The following ESRRG variants were observed in gnomAD, a reference collection of about 807,000 sequenced individuals.
ESRRG encodes the protein estrogen-related receptor gamma.
A neutral mutation model predicts 44.0 loss-of-function variants in ESRRG; 13 were observed. The observed-to-expected ratio is 0.30, with a 90% confidence interval of 0.19 to 0.47. The LOEUF (loss-of-function observed/expected upper bound fraction) is 0.47. ESRRG is among the 20% of genes least tolerant of loss of function. The pLI is 1.00. For missense variants in ESRRG, 395 were observed against 580.6 expected, an observed-to-expected ratio of 0.68 and a Z score of 3.29; for synonymous variants, 215 against 214.6, an observed-to-expected ratio of 1.00 and a Z score of -0.02.
chr1:217,037,583 G>T (rs1451711371), intron 1 of ESRRG, among the ~76,000 whole-genome samples: 1 of 151,962 alleles, frequency 6.6e-6, no homozygotes, highest in Non-Finnish European at 1.5e-5. Context: ...ATTTGGGTGG[G>T]GACACAGCCA....
At chr1:216,525,412 A>G (rs959763451) in intron 5 of ESRRG, among the ~76,000 whole-genome samples, 3 of 151,818 alleles carry the variant, frequency 2.0e-5, no homozygotes, top group Admixed American at 2.0e-4. Flanking sequence ...CTTTTCCCAA[A>G]CTCCCTCTTA....
intron 3 of ESRRG, among the ~76,000 whole-genome samples, chr1:216,615,628 C>A (rs2061320163): frequency 6.6e-6 from 1 of 152,112 alleles, no homozygotes; most frequent in African/African-American, 2.4e-5. Context: ...CCATCATAGA[C>A]CTTTTTATCC....
intron 2 of ESRRG, among the ~76,000 whole-genome samples, chr1:216,768,090 G>A (rs2093175521): frequency 6.6e-6 from 1 of 152,076 alleles, no homozygotes; most frequent in Admixed American, 6.6e-5. Context: ...TGAAAGGAAG[G>A]GGTTATAATC....
Position 216,873,632 on chromosome 1 carries a change from T to C in ESRRG, c.-14+65950A>G, listed in dbSNP as rs114608023. Among the ~76,000 whole-genome samples, 197 of 151,974 alleles carry C rather than the reference T, an allele frequency of 1.3e-3. 1 individual carries two copies. The highest frequency in any genetic ancestry group is 2.3e-3 in the Non-Finnish European group (153 of 67,974). The stretch of plus-strand genomic sequence containing the variant: ...TCCTCCAACTAGAAATCTGGGGCTT[T>C]AGTTATCCTACTCAGCCACATATGC... On this transcript the variant is annotated intron_variant, in intron 2 of 7. Transcript: ENST00000359162.
chr1:217,044,564 A>C (rs747414020), intron 1 of ESRRG, among the ~76,000 whole-genome samples: 6 of 152,174 alleles, frequency 3.9e-5, no homozygotes, highest in Non-Finnish European at 7.3e-5. Context: ...GCTGACCTCC[A>C]TCTCAGCTTA....
At chr1:216,840,899 C>A (rs908448075) in intron 2 of ESRRG, among the ~76,000 whole-genome samples, 2 of 152,042 alleles carry the variant, frequency 1.3e-5, no homozygotes, top group African/African-American at 4.8e-5. Context: ...CATAGATCAC[C>A]ATACAAGATA....
chr1:216,683,998 A>G (rs968956890), intron 1 of ESRRG, among the ~76,000 whole-genome samples: 2 of 152,186 alleles, frequency 1.3e-5, no homozygotes, highest in African/African-American at 4.8e-5. Flanking sequence ...GGGATTTTGA[A>G]ATGGAGACAA....
At chr1:216,541,609 T>C (rs2052789300) in intron 5 of ESRRG, among the ~76,000 whole-genome samples, 1 of 126,594 alleles carries the variant, frequency 7.9e-6, no homozygotes, top group East Asian at 2.0e-4. Context: ...TGTGTGTGTA[T>C]GTGATCAGCT....
chr1:216,997,966 C>T (rs140977958), intron 1 of ESRRG, among the ~76,000 whole-genome samples: 2 of 152,282 alleles, frequency 1.3e-5, no homozygotes, highest in African/African-American at 2.4e-5. Flanking sequence ...TTCACCCATG[C>T]TCAGGAATTT....
chr1:216,548,258 T>G (rs1164639137), intron 5 of ESRRG, among the ~76,000 whole-genome samples: 1 of 152,056 alleles, frequency 6.6e-6, no homozygotes, highest in Non-Finnish European at 1.5e-5. Context: ...CGGGTACACA[T>G]GTGACATTTT....
At chr1:216,637,095 A>T (rs1270244527) in intron 3 of ESRRG, among the ~76,000 whole-genome samples, 2 of 152,160 alleles carry the variant, frequency 1.3e-5, no homozygotes, top group African/African-American at 4.8e-5. Flanking sequence ...CATGAAAGTG[A>T]TGCTACAAAC....
intron 1 of ESRRG, among the ~76,000 whole-genome samples, chr1:217,060,818 A>ATATAGATAGATAGAT (rs2088247040): frequency 6.7e-6 from 1 of 150,016 alleles, no homozygotes; most frequent in Non-Finnish European, 1.5e-5. Context: ...ATAGATAGAT[A>ATATAGATAGATAGAT]GATAGATAGA....
At chr1:217,038,284 T>G (rs2083269294) in intron 1 of ESRRG, among the ~76,000 whole-genome samples, 2 of 152,242 alleles carry the variant, frequency 1.3e-5, no homozygotes, top group Non-Finnish European at 2.9e-5. Flanking sequence ...GGCATCCAGG[T>G]GTTTCCATAC....
At chr1:216,768,480 A>ATCTATCTATCTATCTATCTG (rs1553593172) in intron 2 of ESRRG, among the ~76,000 whole-genome samples, 10,890 of 150,226 alleles carry the variant, frequency 0.072, 486 homozygotes, top group African/African-American at 0.12. Context: ...CTATCTATCT[A>ATCTATCTATCTATCTATCTG]TCTATCTATC....
At chr1:216,610,890 G>A (rs1243046357) in intron 3 of ESRRG, among the ~76,000 whole-genome samples, 1 of 152,096 alleles carries the variant, frequency 6.6e-6, no homozygotes, top group Non-Finnish European at 1.5e-5. Context: ...AAATGGTAGA[G>A]GCAGAACTGG....
At chr1:216,598,575 G>A (rs2058758109) in intron 3 of ESRRG, among the ~76,000 whole-genome samples, 1 of 152,166 alleles carries the variant, frequency 6.6e-6, no homozygotes. Flanking sequence ...AATTGAGGTG[G>A]CTGGATGTCT....
chr1:216,696,671 T>G (rs2080222243), intron 1 of ESRRG, among the ~76,000 whole-genome samples: 1 of 152,102 alleles, frequency 6.6e-6, no homozygotes, highest in Non-Finnish European at 1.5e-5. Flanking sequence ...AGAATTAGAG[T>G]CTTCTAATAA....
intron 2 of ESRRG, among the ~76,000 whole-genome samples, chr1:216,800,388 G>A (rs964497652): frequency 5.3e-5 from 8 of 152,086 alleles, no homozygotes; most frequent in Admixed American, 3.9e-4. Flanking sequence ...GACAGAAAAG[G>A]GAGGGAAGTG....
At chr1:216,687,147 C>T (rs1030862749) in intron 1 of ESRRG, among the ~76,000 whole-genome samples, 1 of 152,018 alleles carries the variant, frequency 6.6e-6, no homozygotes, top group African/African-American at 2.4e-5. Flanking sequence ...CAACCACATT[C>T]AACTGAAGAC....
Sources: gnomAD v4.1 joint callset for allele counts (sites outside exome capture counted in the v4.1 genomes callset) on GRCh38, gnomAD v4.1.1 for gene constraint, MANE v1.5 for transcripts, NCBI Gene and HGNC (gene_info 2026-07-23, HGNC 2026-07-21) for gene names.